The following EML6 variants were observed in gnomAD, a reference collection of about 807,000 sequenced individuals.
The protein encoded by EML6 is echinoderm microtubule-associated protein-like 6.
A neutral mutation model predicts 240.1 loss-of-function variants in EML6; 154 were observed. The observed-to-expected ratio is 0.64, with a 90% CI of 0.56 to 0.73. The LOEUF is 0.73. Ranked by LOEUF, EML6 falls within the 30% of genes least tolerant of loss-of-function variation. The pLI is 0.00. For synonymous variants in EML6, 1,148 were observed against 899.0 expected (o/e 1.28, Z -4.95); for missense variants, 2,964 against 2,474.6 (o/e 1.20, Z -4.20).
At chr2:54,803,068 T>A (rs1283021485) in intron 2 of EML6, among the ~76,000 whole-genome samples, 1 of 152,096 alleles carries the variant, frequency 6.6e-6, no homozygotes, top group African/African-American at 2.4e-5. Flanking sequence ...GATGAAATAT[T>A]ACATATGATC....
intron 28 of EML6, among the ~76,000 whole-genome samples, chr2:54,937,573 A>ATTTTTTTTTTTTTTTTTT (rs1177972189): frequency 1.3e-5 from 2 of 151,272 alleles, no homozygotes; most frequent in African/African-American, 4.8e-5. Flanking sequence ...AAAAAAAAAA[A>ATTTTTTTTTTTTTTTTTT]AAAAAAAAAG....
chr2:54,773,387 G>C (rs1668475848), intron 2 of EML6, among the ~76,000 whole-genome samples: 1 of 152,226 alleles, frequency 6.6e-6, no homozygotes, highest in South Asian at 2.1e-4. Context: ...TTTTCTGTCA[G>C]TGTTCCAAGC....
At chr2:54,782,348 A>T (rs777910234) in intron 2 of EML6, among the ~76,000 whole-genome samples, 3 of 152,156 alleles carry the variant, frequency 2.0e-5, no homozygotes, top group Non-Finnish European at 4.4e-5. Flanking sequence ...TCAAATTTTT[A>T]TATTGGGAAG....
intron 3 of EML6, among the ~76,000 whole-genome samples, chr2:54,814,627 A>G (rs1168619773): frequency 6.6e-6 from 1 of 152,220 alleles, no homozygotes; most frequent in Non-Finnish European, 1.5e-5. Context: ...AGTTGGTGCC[A>G]TGCAAAGATC....
chr2:54,797,166 A>AAAAAAAAAAAAAAAAAAAAAAAC lies in EML6; in HGVS notation c.198-16044_198-16043insCAAAAAAAAAAAAAAAAAAAAAA, dbSNP rs1558556882. Among the ~76,000 whole-genome samples the AAAAAAAAAAAAAAAAAAAAAAAC allele has an allele frequency of 2.8e-3, 276 of 100,200 alleles. 17 individuals are homozygous for AAAAAAAAAAAAAAAAAAAAAAAC. The highest frequency in any genetic ancestry group is 5.5e-3 in the Non-Finnish European group (233 of 42,508). 65.7% of individuals were successfully genotyped at this position (100,200 alleles called of 152,430 possible). On this transcript the variant is annotated intron_variant, in intron 2 of 41. Transcript: ENST00000356458. ...GGTGACAGAGCAAGACTCCATCTCA[A>AAAAAAAAAAAAAAAAAAAAAAAC]AAAAAAAAAAAAAAAAAAAAAAACT...
At chr2:54,819,092 G>A (rs1158168784) in intron 4 of EML6, among the ~76,000 whole-genome samples, 1 of 152,202 alleles carries the variant, frequency 6.6e-6, no homozygotes, top group Non-Finnish European at 1.5e-5. Flanking sequence ...AGCTTGAATG[G>A]CTGAAATGGA....
intron 2 of EML6, among the ~76,000 whole-genome samples, chr2:54,744,893 AACACACACACGTAC>A (rs1157624270): frequency 1.5e-5 from 2 of 134,210 alleles, no homozygotes; most frequent in East Asian, 5.3e-4. Flanking sequence ...TGTATAACAC[AACACACACACGTAC>A]ACACACACAC....
rs1341510552 is a variant in EML6, at chr2:54,827,567, T to G, written c.527T>G (p.Phe176Cys). 3 of 1,551,116 alleles carry G rather than the reference T, an allele frequency of 1.9e-6. No homozygotes were observed. The highest frequency in any genetic ancestry group is 4.9e-5 in the East Asian group (2 of 40,928). ...TCTATTTTATCACTTACATTGTAGT[T>G]TTGGACACTGTGTGGAAATGCCCTG... The part of the protein sequence containing the change: ...VVSCGVKHIK[F>C]WTLCGNALTA... The change falls in exon 6 of 42, where the codon TTT (phenylalanine) becomes TGT (cysteine). Residue 176 changes from phenylalanine (F) to cysteine (C), a missense_variant and splice_region_variant. By Grantham distance (205) the Phe-to-Cys change is radical (BLOSUM62 -2). Transcript: ENST00000356458.
At chr2:54,919,111 C>A (rs534291824) in intron 26 of EML6, among the ~76,000 whole-genome samples, 1 of 152,140 alleles carries the variant, frequency 6.6e-6, no homozygotes, top group African/African-American at 2.4e-5. Flanking sequence ...CCTATACTCA[C>A]GTAAATGAGT....
In EML6 at chr2:54,928,473, T is replaced by A. The variant is rs753117613; in HGVS notation, c.3836T>A (p.Val1279Glu). 1.3e-5 allele frequency: 20 copies of A among 1,548,898 alleles called. No homozygotes were observed. The highest frequency in any genetic ancestry group is 1.7e-5 in the Non-Finnish European group (20 of 1,145,302). ...GTGGGGACCCAGGAGAGCAAGCTGG[T>A]GGACAGCGAGGAGTCAGACACCGAC... The part of the protein sequence containing the change: ...EFVGTQESKL[V>E]DSEESDTDVE... Residue 1279 changes from valine to glutamate, a missense_variant, in exon 27 of 42, where the codon GTG (valine) becomes GAG (glutamate). Val to Glu is a moderately radical substitution (Grantham distance 121, BLOSUM62 -2). Transcript: ENST00000356458.
chr2:54,752,670 A>C (rs1286570219), intron 2 of EML6, among the ~76,000 whole-genome samples: 1 of 152,236 alleles, frequency 6.6e-6, no homozygotes, highest in African/African-American at 2.4e-5. Flanking sequence ...CTGTGTGAAT[A>C]TAATTTATTC....
chr2:54,811,852 A>G (rs1667864215), intron 2 of EML6, among the ~76,000 whole-genome samples: 1 of 152,200 alleles, frequency 6.6e-6, no homozygotes, highest in Non-Finnish European at 1.5e-5. Flanking sequence ...CTGAATGCTG[A>G]AGTGTTCTAC....
intron 28 of EML6, among the ~76,000 whole-genome samples, chr2:54,939,880 A>G (rs1675340601): frequency 6.6e-6 from 1 of 152,248 alleles, no homozygotes; most frequent in Non-Finnish European, 1.5e-5. Flanking sequence ...CTATAGAGGC[A>G]ACTTAACTCT....
intron 32 of EML6, among the ~76,000 whole-genome samples, chr2:54,956,119 C>G (rs1455026576): frequency 6.6e-6 from 1 of 152,092 alleles, no homozygotes; most frequent in African/African-American, 2.4e-5. Context: ...GTAATTTGCT[C>G]TGAGCAGACT....
chr2:54,894,979 T>C lies in EML6; in HGVS notation c.2807T>C (p.Leu936Ser). 1.3e-6 allele frequency: 2 copies of C among 1,551,530 alleles called. No homozygotes were observed. Among genetic ancestry groups the C allele is most frequent in the Non-Finnish European group, 1.7e-6 (2 of 1,146,800 alleles). Residue 936 changes from leucine (L) to serine (S), a missense_variant, in exon 20 of 42, where the codon TTG becomes TCG. Leu to Ser is a moderately radical substitution (Grantham distance 145). Transcript: ENST00000356458. ...ELWDDMFERC[L>S]KTYAIKRSAL... The stretch of plus-strand genomic sequence containing the variant: ...TGGGATGATATGTTTGAAAGATGTT[T>C]GAAGACTTATGCCATTAAAAGATCA...
chr2:54,915,011 G>A (rs572676007), intron 25 of EML6, among the ~76,000 whole-genome samples: 15 of 152,254 alleles, frequency 9.9e-5, no homozygotes, highest in South Asian at 4.1e-4. Flanking sequence ...GGCCTCAGTT[G>A]CTTCCTTTGC....
chr2:54,738,272 G>C (rs1473067322), intron 2 of EML6, among the ~76,000 whole-genome samples: 3 of 152,138 alleles, frequency 2.0e-5, no homozygotes, highest in African/African-American at 7.2e-5. Context: ...ACAAATGAAA[G>C]ACTTGTGCAT....
At chr2:54,857,357 G>A (rs1305675318) in intron 11 of EML6, among the ~76,000 whole-genome samples, 4 of 152,098 alleles carry the variant, frequency 2.6e-5, no homozygotes, top group Admixed American at 1.3e-4. Flanking sequence ...GTGGTGCAGA[G>A]GACAAAGGGA....
Position 54,746,295 on chromosome 2 carries a change from G to T in EML6, c.197+21037G>T, listed in dbSNP as rs759252570. ...TCTGTTTCAGTAGGGAATACTGAAT[G>T]AAGGTGCAGGTTGACCATCGACTGT... On this transcript the variant is annotated intron_variant, in intron 2 of 41. Coordinates refer to ENST00000356458, the MANE Select transcript of EML6 (RefSeq NM_001039753.4). 1.1e-3 allele frequency among the ~76,000 whole-genome samples: 166 copies of T among 152,304 alleles called. No individual in the cohort carries two copies. The Middle Eastern group carries it at 0.014, about 12-fold the overall frequency.
Sources: allele counts gnomAD v4.1 joint callset (sites outside exome capture counted in the v4.1 genomes callset), GRCh38; gene constraint gnomAD v4.1.1; transcripts MANE v1.5; gene names NCBI Gene and HGNC (gene_info 2026-07-23, HGNC 2026-07-21).